The following BRD9 variants were observed in gnomAD, a reference collection of about 807,000 sequenced individuals.
BRD9 encodes the protein bromodomain containing 9.
BRD9 carries 47 observed loss-of-function variants against 68.7 expected under a neutral mutation model. That is an observed-to-expected ratio of 0.68 (90% CI 0.54 to 0.87). BRD9 has a LOEUF of 0.87. BRD9 is among the 40% of genes least tolerant of loss of function. BRD9 has a pLI of 0.00. For synonymous variants in BRD9, 313 were observed against 293.9 expected, an observed-to-expected ratio of 1.06 and a Z score of -0.67; for missense variants, 670 against 748.4, an observed-to-expected ratio of 0.90 and a Z score of 1.22.
At chr5:885,681 C>T (rs984760177) in intron 7 of BRD9, among the ~76,000 whole-genome samples, 7 of 152,252 alleles carry the variant, frequency 4.6e-5, no homozygotes, top group African/African-American at 1.4e-4. Flanking sequence ...GTCAGACACA[C>T]GGCCATGAGG....
chr5:891,268 C>G lies in BRD9; in HGVS notation c.287G>C (p.Arg96Pro). 1 of 1,551,668 alleles carries G rather than the reference C, an allele frequency of 6.4e-7. No homozygotes were observed. The highest frequency in any genetic ancestry group is 8.7e-7 in the Non-Finnish European group (1 of 1,146,934). Residue 96 changes from arginine to proline, a missense_variant, in exon 3 of 16, where the codon CGA becomes CCA. Arg to Pro is a moderately radical substitution (Grantham distance 103, BLOSUM62 -2). Around this residue, in one of 5 missense-constraint regions of BRD9, gnomAD observed 161 missense variants for 148.1 expected, o/e 1.09. Transcript: ENST00000467963. ...CTCCGTGTCACAGTGCTCCCTCTCT[C>G]GCTTCCGCTTCTTCTCTTCCTGGGC... The part of the protein sequence containing the change: ...RKRKEEKKRK[R>P]EREHCDTEGE...
intron 12 of BRD9, among the ~76,000 whole-genome samples, chr5:875,253 C>T (rs1283787803): frequency 1.3e-5 from 2 of 152,138 alleles, no homozygotes; most frequent in Non-Finnish European, 2.9e-5. Flanking sequence ...AAAAGACATT[C>T]CTGGCTTGTG....
chr5:878,862 G>A, intron 10 of BRD9: 1 of 246,452 alleles, frequency 4.1e-6, no homozygotes, highest in Middle Eastern at 1.1e-3. Flanking sequence ...CGCTGTGGGG[G>A]ACACAGGCCA....
chr5:883,233 T>C (rs1478995177), intron 8 of BRD9: 4 of 435,442 alleles, frequency 9.2e-6, no homozygotes, highest in Middle Eastern at 3.4e-4. Context: ...CATGTGCATT[T>C]TGAAGACTTA....
chr5:878,406 T>C lies in BRD9; in HGVS notation c.1220A>G (p.Glu407Gly), dbSNP rs1432067202. The C allele has an allele frequency of 1.5e-5, 25 of 1,614,132 alleles. No homozygotes were observed. Among genetic ancestry groups the C allele is most frequent in the Non-Finnish European group, 1.8e-5 (21 of 1,180,052 alleles). Residue 407 changes from glutamate (E) to glycine (G), a missense_variant, in exon 11 of 16, where the codon GAG (glutamate) becomes GGG (glycine). This residue lies in a region of BRD9 where 280 missense variants were observed against 281.5 expected (regional missense o/e 0.99). Transcript: ENST00000467963. ...VFGDLKSDEM[E>G]LLYSAYGDET... is the part of the protein sequence containing the mutation. ...ATCTCCGTAGGCTGAGTAGAGCAGC[T>C]CCATCTCGTCCGACTTCAAGTCGCC...
At chr5:881,339 C>A in intron 8 of BRD9, 157 bp from the exon 9 acceptor site, 2 of 712,938 alleles carry the variant, frequency 2.8e-6, no homozygotes, top group Admixed American at 4.7e-5. Flanking sequence ...GAATTTCAGA[C>A]TCACCGGCAA....
intron 10 of BRD9, 103 bp from the exon 11 acceptor site, chr5:878,590 C>T: frequency 6.6e-7 from 1 of 1,511,224 alleles, no homozygotes; most frequent in Non-Finnish European, 9.1e-7. Context: ...GGCTGGCAGC[C>T]AGCACCCCAG....
chr5:891,549 C>A, intron 2 of BRD9, 91 bp downstream of exon 2: 1 of 1,489,540 alleles, frequency 6.7e-7, no homozygotes. Context: ...CCTCCTCCAG[C>A]CACGCAGGCG....
chr5:890,203 TAAAAA>T (rs1322998310), intron 3 of BRD9, among the ~76,000 whole-genome samples: 3 of 151,664 alleles, frequency 2.0e-5, no homozygotes, highest in African/African-American at 7.3e-5. Flanking sequence ...AAAAATAAAT[TAAAAA>T]AAGAAAGTGC....
chr5:891,547 A>T, intron 2 of BRD9, 93 bp downstream of exon 2: 1 of 1,487,260 alleles, frequency 6.7e-7, no homozygotes. Context: ...CCCCTCCTCC[A>T]GCCACGCAGG....
rs1476390678 is a variant in BRD9 at position 891,874 on chromosome 5, G to A, written c.53-20C>T. On this transcript the variant is annotated intron_variant, in intron 1 of 15. Coordinates refer to ENST00000467963, the MANE Select transcript of BRD9 (RefSeq NM_023924.5). ...CATAATCTGCACAGACACAGACCGA[G>A]TTCTACCCGCGTGCTCAGGTGCAAA... 1.9e-6 allele frequency: 3 copies of A among 1,549,926 alleles called. No homozygotes were observed. The Admixed American group carries it at 5.9e-5, about 30-fold the overall frequency.
intron 12 of BRD9, among the ~76,000 whole-genome samples, chr5:872,892 G>A (rs1391993591): frequency 3.9e-5 from 6 of 152,182 alleles, no homozygotes; most frequent in Non-Finnish European, 8.8e-5. Flanking sequence ...ACTGTTCCCT[G>A]TAGAAAGAAA....
At chr5:889,299 T>G in intron 4 of BRD9, 134 bp from the exon 5 acceptor site, 1 of 1,025,322 alleles carries the variant, frequency 9.8e-7, no homozygotes, top group Non-Finnish European at 1.4e-6. Flanking sequence ...CGTCTTTTAA[T>G]TTATTGTGAT....
At position 883,629 on chromosome 5, in the gene BRD9, A is replaced by C. The variant is rs1228026817; in HGVS notation, c.966+309T>G. The C allele has an allele frequency of 3.7e-5, 17 of 459,404 alleles. No individual in the cohort carries two copies. In the East Asian group the frequency reaches 5.4e-4, roughly 15 times the overall value. The allele number at this position is 459,404 out of a possible 1,614,324, so 28.5% of individuals were successfully genotyped here. ...CACGTCAACACCCAGTGACAGAGAC[A>C]CAGAAGTCAGCATTCACTCCAAGAG... On this transcript the variant is annotated intron_variant, in intron 8 of 15. Coordinates refer to ENST00000467963, the MANE Select transcript of BRD9 (RefSeq NM_023924.5).
chr5:870,475 A>C lies in BRD9; in HGVS notation c.1523T>G (p.Leu508Arg). The part of the protein sequence containing the change: ...VSVDISMLSS[L>R]GKVKKELDPD... ...GGAAAGTGCCTGTTACAACTCACCCAGAGAGCTGAGCATGGAGATATCCAC... is the reference window on the plus strand; with the variant it reads ...GGAAAGTGCCTGTTACAACTCACCCCGAGAGCTGAGCATGGAGATATCCAC... The change falls in exon 14 of 16, where the codon CTG becomes CGG. Residue 508 changes from leucine to arginine, a missense_variant and splice_region_variant. Coordinates refer to ENST00000467963, the MANE Select transcript of BRD9 (RefSeq NM_023924.5). 2 of 1,612,760 alleles carry C rather than the reference A, an allele frequency of 1.2e-6. No homozygotes were observed. Among genetic ancestry groups the C allele is most frequent in the Non-Finnish European group, 1.7e-6 (2 of 1,178,740 alleles).
At chr5:875,504 C>T (rs886719850) in intron 12 of BRD9, among the ~76,000 whole-genome samples, 2 of 152,040 alleles carry the variant, frequency 1.3e-5, no homozygotes, top group Admixed American at 1.3e-4. Context: ...CCTGCCACCA[C>T]GCCCAGCTAA....
At chr5:868,373 G>A (rs1264852067) in intron 14 of BRD9, among the ~76,000 whole-genome samples, 1 of 152,242 alleles carries the variant, frequency 6.6e-6, no homozygotes, top group Non-Finnish European at 1.5e-5. Flanking sequence ...GCACCAAGCT[G>A]CTGAGAAGTA....
At chr5:888,430 A>G (rs1318993594) in intron 5 of BRD9, 4 of 152,310 alleles carry the variant, frequency 2.6e-5, no homozygotes, top group African/African-American at 9.6e-5. Flanking sequence ...TAAAATAGAA[A>G]AGTCAAGCTT....
At position 878,400 on chromosome 5, in the gene BRD9, A is replaced by G. The variant is rs1361343720; in HGVS notation, c.1226T>C (p.Leu409Pro). The G allele has an allele frequency of 2.5e-6, 4 of 1,614,248 alleles. No individual in the cohort carries two copies. Among genetic ancestry groups the G allele is most frequent in the Non-Finnish European group, 3.4e-6 (4 of 1,180,048 alleles). Reference sequence around the variant, plus strand: ...TGTCTCATCTCCGTAGGCTGAGTAGAGCAGCTCCATCTCGTCCGACTTCAA... The same window carrying G: ...TGTCTCATCTCCGTAGGCTGAGTAGGGCAGCTCCATCTCGTCCGACTTCAA... ...GDLKSDEMELLYSAYGDETGV... is the reference protein window; with the variant it reads ...GDLKSDEMELPYSAYGDETGV... The change falls in exon 11 of 16, where the codon CTC becomes CCC. Residue 409 changes from leucine to proline, a missense_variant. Transcript: ENST00000467963.
Sources: allele counts gnomAD v4.1 joint callset (sites outside exome capture counted in the v4.1 genomes callset), GRCh38; gene constraint gnomAD v4.1.1; regional missense constraint gnomAD v4.1.1; transcripts MANE v1.5; gene names NCBI Gene and HGNC (gene_info 2026-07-23, HGNC 2026-07-21).